The following SETBP1 variants were observed in gnomAD, a reference collection of about 807,000 sequenced individuals.
The protein encoded by SETBP1 is SET binding protein 1, also known as SET-binding protein.
Under a neutral mutation model 101.0 loss-of-function variants are expected in SETBP1, and 9 were observed. That is an observed-to-expected ratio of 0.09 (90% CI 0.05 to 0.16). The LOEUF (loss-of-function observed/expected upper bound fraction) is 0.16, where lower values mean the gene tolerates loss of function less well. Ranked by LOEUF, SETBP1 falls within the 10% of genes least tolerant of loss-of-function variation. The pLI, the probability that SETBP1 is intolerant of heterozygous loss-of-function variation, is 1.00. For synonymous variants in SETBP1, 818 were observed against 788.5 expected, an observed-to-expected ratio of 1.04 and a Z score of -0.63; for missense variants, 1,858 against 2,033.8, an observed-to-expected ratio of 0.91 and a Z score of 1.66.
rs550796825 is a variant in SETBP1 at position 44,799,742 on chromosome 18, A to T, written c.487-69488A>T. On this transcript the variant is annotated intron_variant, in intron 2 of 5. Coordinates refer to ENST00000649279, the MANE Select transcript of SETBP1 (RefSeq NM_015559.3). ...TAGGAGCTGTGGCCTTTGGTTAAGG[A>T]CACAGCTAGCCTGGGGTGACCCAGC... Among the ~76,000 whole-genome samples, 327 of 152,264 alleles carry T rather than the reference A, an allele frequency of 2.1e-3. 2 individuals carry two copies. The highest frequency in any genetic ancestry group is 3.3e-3 in the Non-Finnish European group (226 of 68,002).
intron 2 of SETBP1, among the ~76,000 whole-genome samples, chr18:44,842,793 C>T (rs1383827729): frequency 6.6e-6 from 1 of 152,222 alleles, no homozygotes; most frequent in African/African-American, 2.4e-5. Flanking sequence ...CATTTGGACA[C>T]CCTGCTTACC....
chr18:44,732,354 C>T (rs1380816892), intron 2 of SETBP1, among the ~76,000 whole-genome samples: 4 of 152,186 alleles, frequency 2.6e-5, no homozygotes, highest in African/African-American at 4.8e-5. Flanking sequence ...CTGATGTCTT[C>T]TGCATGTACG....
intron 4 of SETBP1, among the ~76,000 whole-genome samples, chr18:44,956,981 T>C (rs147446195): frequency 1.7e-3 from 263 of 152,318 alleles, no homozygotes; most frequent in African/African-American, 6.1e-3. Context: ...AGTAGCTCTT[T>C]TGGCCTGTTT....
chr18:44,719,761 C>G (rs909277356), intron 2 of SETBP1, among the ~76,000 whole-genome samples: 1 of 152,138 alleles, frequency 6.6e-6, no homozygotes, highest in Non-Finnish European at 1.5e-5. Context: ...CTGGCTGGGC[C>G]CTGATTGCAG....
At chr18:44,744,027 G>T (rs2070160523) in intron 2 of SETBP1, among the ~76,000 whole-genome samples, 1 of 152,194 alleles carries the variant, frequency 6.6e-6, no homozygotes, top group Non-Finnish European at 1.5e-5. Flanking sequence ...ACATGCCTTG[G>T]TCTCATTGGT....
chr18:44,741,709 G>A (rs1279513327), intron 2 of SETBP1, among the ~76,000 whole-genome samples: 1 of 152,142 alleles, frequency 6.6e-6, no homozygotes, highest in Non-Finnish European at 1.5e-5. Context: ...CAGCTGTGGA[G>A]CTTGAAAATA....
chr18:44,923,672 T>C (rs1320372872), intron 3 of SETBP1, among the ~76,000 whole-genome samples: 1 of 152,358 alleles, frequency 6.6e-6, no homozygotes, highest in South Asian at 2.1e-4. Context: ...AGCTTCAGCA[T>C]TGAACATTAA....
intron 2 of SETBP1, among the ~76,000 whole-genome samples, chr18:44,725,553 C>G (rs530197765): frequency 2.6e-5 from 4 of 152,290 alleles, no homozygotes; most frequent in Admixed American, 1.3e-4. Context: ...GTTTTCTAGG[C>G]TGACAGTGAA....
At position 44,951,447 on chromosome 18, in the gene SETBP1, G is replaced by T. The variant is rs1205657828; in HGVS notation, c.2107G>T (p.Ala703Ser). 6.2e-7 allele frequency: 1 copy of T among 1,613,914 alleles called. No homozygotes were observed. Among genetic ancestry groups the T allele is most frequent in the South Asian group, 1.1e-5 (1 of 91,080 alleles). Reference protein sequence around the residue: ...KAPPETSPGAAAIESKLGKQI... With the variant: ...KAPPETSPGASAIESKLGKQI... Reference sequence around the variant, plus strand: ...TCCCCCAGAGACCAGCCCTGGGGCAGCAGCCATTGAAAGCAAACTGGGCAA... The same window carrying T: ...TCCCCCAGAGACCAGCCCTGGGGCATCAGCCATTGAAAGCAAACTGGGCAA... The change falls in exon 4 of 6, where the codon GCA becomes TCA. Residue 703 changes from alanine to serine, a missense_variant. This residue lies in a region of SETBP1 where 111 missense variants were observed against 119.3 expected (regional missense o/e 0.93). Coordinates refer to ENST00000649279, the MANE Select transcript of SETBP1 (RefSeq NM_015559.3). This position sits in a 1 kb window ranked among gnomAD's most constrained non-coding sequence, Gnocchi z 7.8.
At chr18:44,816,639 C>T (rs1231005914) in intron 2 of SETBP1, among the ~76,000 whole-genome samples, 5 of 152,198 alleles carry the variant, frequency 3.3e-5, no homozygotes, top group African/African-American at 4.8e-5. Context: ...GTGAATGAGT[C>T]CTCAGCTGCC....
intron 2 of SETBP1, among the ~76,000 whole-genome samples, chr18:44,820,926 T>C (rs958546472): frequency 2.0e-5 from 3 of 152,230 alleles, no homozygotes; most frequent in Non-Finnish European, 4.4e-5. Flanking sequence ...AAATGTATAC[T>C]TGGTAGCTTG....
At chr18:44,835,306 CA>C (rs2072473396) in intron 2 of SETBP1, among the ~76,000 whole-genome samples, 1 of 152,068 alleles carries the variant, frequency 6.6e-6, no homozygotes, top group Non-Finnish European at 1.5e-5. Context: ...TCAATATCAT[CA>C]AACTAAGCCA....
intron 4 of SETBP1, among the ~76,000 whole-genome samples, chr18:44,969,301 A>G (rs1317654538): frequency 6.6e-6 from 1 of 152,202 alleles, no homozygotes; most frequent in Non-Finnish European, 1.5e-5. Flanking sequence ...ACGTCTGAAG[A>G]ATTGAGAGTC....
chr18:44,856,055 GTT>G (rs748514500), intron 2 of SETBP1, among the ~76,000 whole-genome samples: 1 of 133,126 alleles, frequency 7.5e-6, no homozygotes, highest in Non-Finnish European at 1.6e-5. Flanking sequence ...AATCCATCTT[GTT>G]TTTTTTTTTT....
At chr18:44,732,494 C>T (rs1466243950) in intron 2 of SETBP1, 1 of 152,182 alleles carries the variant, frequency 6.6e-6, no homozygotes, top group African/African-American at 2.4e-5. Flanking sequence ...AGTGCTATTT[C>T]TCACCCTTGC....
chr18:44,957,818 A>T (rs558618774), intron 4 of SETBP1, among the ~76,000 whole-genome samples: 2 of 152,346 alleles, frequency 1.3e-5, no homozygotes, highest in East Asian at 3.9e-4. Context: ...CTTAAAATGG[A>T]ATAAAAGGAA....
intron 2 of SETBP1, among the ~76,000 whole-genome samples, chr18:44,748,382 A>C (rs904033782): frequency 6.6e-6 from 1 of 152,264 alleles, no homozygotes; most frequent in African/African-American, 2.4e-5. Context: ...TAAGGAGAGC[A>C]AACAAGAACA....
At chr18:44,874,723 T>C (rs639964) in intron 3 of SETBP1, among the ~76,000 whole-genome samples, 83,130 of 151,978 alleles carry the variant, frequency 0.55, 22,831 homozygotes, top group Non-Finnish European at 0.56. Context: ...TCAAATGAAC[T>C]GTTACTCCAC....
In SETBP1 at chr18:45,063,312, A is replaced by G. The variant is rs754757981; in HGVS notation, c.4405A>G (p.Arg1469Gly). Reference sequence around the variant, plus strand: ...GCCCACCCAGTTCGATGAGGACTCCAGAGACCAAATGCCGGTGCTGGAAAA... The same window carrying G: ...GCCCACCCAGTTCGATGAGGACTCCGGAGACCAAATGCCGGTGCTGGAAAA... Reference protein sequence around the residue: ...KQPTQFDEDSRDQMPVLEKCI... With the variant: ...KQPTQFDEDSGDQMPVLEKCI... The change falls in exon 6 of 6, where the codon AGA becomes GGA. Residue 1469 changes from arginine to glycine, a missense_variant. By Grantham distance (125) the Arg-to-Gly change is moderately radical (BLOSUM62 -2). This residue lies in a region of SETBP1 where 178 missense variants were observed against 189.1 expected (regional missense o/e 0.94). Transcript: ENST00000649279. 1 of 1,603,698 alleles carries G rather than the reference A, an allele frequency of 6.2e-7. No individual in the cohort carries two copies. Among genetic ancestry groups the G allele is most frequent in the Non-Finnish European group, 8.5e-7 (1 of 1,174,940 alleles).
Sources: allele counts gnomAD v4.1 joint callset (sites outside exome capture counted in the v4.1 genomes callset), GRCh38; gene constraint gnomAD v4.1.1; regional missense constraint gnomAD v4.1.1; non-coding constraint Gnocchi (gnomAD v3.1); transcripts MANE v1.5; gene names NCBI Gene and HGNC (gene_info 2026-07-23, HGNC 2026-07-21).